The following MARCHF1 variants were observed in gnomAD, a reference collection of about 807,000 sequenced individuals.
The protein encoded by MARCHF1 is membrane associated ring-CH-type finger 1.
In MARCHF1, 40 loss-of-function variants were observed where a neutral mutation model predicts 54.2. The ratio of observed to expected loss-of-function variants is 0.74; its 90% CI spans 0.57 to 0.96. The LOEUF (loss-of-function observed/expected upper bound fraction) is 0.96, where lower values mean the gene tolerates loss of function less well. Ranked by LOEUF, MARCHF1 falls within the 40% of genes least tolerant of loss-of-function variation. MARCHF1 has a pLI of 0.00. For synonymous variants in MARCHF1, 236 were observed against 236.3 expected (o/e 1.00, Z 0.01); for missense variants, 586 against 656.5 (o/e 0.89, Z 1.17).
intron 1 of MARCHF1, among the ~76,000 whole-genome samples, chr4:164,114,745 A>T (rs1299914841): frequency 2.6e-5 from 4 of 151,678 alleles, no homozygotes; most frequent in Non-Finnish European, 5.9e-5. Context: ...AACTACACAC[A>T]CACAATACAA....
Position 164,293,359 on chromosome 4 carries a change from C to T in MARCHF1, c.-323+90511G>A, listed in dbSNP as rs531210342. Reference sequence around the variant, plus strand: ...GACCATCTCCGTATAAGGCAAATGCCTCACAAACCCATTCCCAAATAAGGC... The same window carrying T: ...GACCATCTCCGTATAAGGCAAATGCTTCACAAACCCATTCCCAAATAAGGC... On this transcript the variant is annotated intron_variant, in intron 1 of 9. Transcript: ENST00000514618. Among the ~76,000 whole-genome samples the T allele has an allele frequency of 5.9e-5, 9 of 152,172 alleles. 1 individual carries two copies. In the South Asian group the frequency reaches 1.4e-3, roughly 24 times the overall value.
chr4:163,975,873 C>A (rs1752639791), intron 3 of MARCHF1, among the ~76,000 whole-genome samples: 1 of 152,092 alleles, frequency 6.6e-6, no homozygotes, highest in African/African-American at 2.4e-5. Context: ...AGTTGATACA[C>A]AGGAAGCCCA....
chr4:164,108,759 A>G (rs1276918459), intron 2 of MARCHF1, among the ~76,000 whole-genome samples: 1 of 152,122 alleles, frequency 6.6e-6, no homozygotes, highest in Admixed American at 6.6e-5. Flanking sequence ...ATAACCAGAA[A>G]GTAGAGTTAT....
At chr4:164,265,929 A>C (rs1733599333) in intron 1 of MARCHF1, among the ~76,000 whole-genome samples, 1 of 152,204 alleles carries the variant, frequency 6.6e-6, no homozygotes. Flanking sequence ...ATAGTATCGA[A>C]TCAAATTTAT....
intron 7 of MARCHF1, among the ~76,000 whole-genome samples, chr4:163,598,722 T>C (rs991383219): frequency 2.6e-5 from 4 of 152,226 alleles, no homozygotes; most frequent in African/African-American, 9.6e-5. Flanking sequence ...CAGTGAGTGA[T>C]GGGTGAGTAA....
At chr4:163,895,693 C>A (rs1750790776) in intron 3 of MARCHF1, among the ~76,000 whole-genome samples, 1 of 152,158 alleles carries the variant, frequency 6.6e-6, no homozygotes, top group African/African-American at 2.4e-5. Context: ...CTGTTTTGAT[C>A]AGGTTTCACA....
At chr4:163,663,317 T>C (rs1743414971) in intron 5 of MARCHF1, among the ~76,000 whole-genome samples, 2 of 151,540 alleles carry the variant, frequency 1.3e-5, no homozygotes, top group Admixed American at 1.3e-4. Context: ...CTGACACCCT[T>C]GCCACTAGAT....
At chr4:163,681,679 T>C (rs978213542) in intron 5 of MARCHF1, among the ~76,000 whole-genome samples, 1 of 152,214 alleles carries the variant, frequency 6.6e-6, no homozygotes, top group African/African-American at 2.4e-5. Flanking sequence ...GTTTGCTGCT[T>C]CTTCCACCAT....
At chr4:163,645,337 G>T (rs549463509) in intron 5 of MARCHF1, among the ~76,000 whole-genome samples, 1 of 152,176 alleles carries the variant, frequency 6.6e-6, no homozygotes, top group South Asian at 2.1e-4. Flanking sequence ...AGTCCTAGAG[G>T]CAATCACATC....
chr4:163,970,003 G>A (rs1436223904), intron 3 of MARCHF1, among the ~76,000 whole-genome samples: 6 of 152,106 alleles, frequency 3.9e-5, no homozygotes, highest in African/African-American at 7.2e-5. Context: ...AAGGCAGGAG[G>A]ATGATAATTA....
At chr4:164,334,922 C>A (rs368198764) in intron 1 of MARCHF1, among the ~76,000 whole-genome samples, 1 of 152,092 alleles carries the variant, frequency 6.6e-6, no homozygotes, top group Admixed American at 6.5e-5. Context: ...CTCAGAGGAG[C>A]AAGTAACTGC....
At chr4:164,081,577 T>C (rs1755102119) in intron 2 of MARCHF1, among the ~76,000 whole-genome samples, 1 of 152,122 alleles carries the variant, frequency 6.6e-6, no homozygotes. Flanking sequence ...GTGCTCCTCT[T>C]CCTTCACCTA....
intron 4 of MARCHF1, among the ~76,000 whole-genome samples, chr4:163,717,451 A>C (rs1477855867): frequency 3.3e-5 from 5 of 152,074 alleles, no homozygotes; most frequent in South Asian, 2.1e-4. Context: ...CTGCTGCAAT[A>C]AACAGATGTG....
intron 3 of MARCHF1, among the ~76,000 whole-genome samples, chr4:163,915,876 T>C (rs1434834452): frequency 6.6e-6 from 1 of 152,178 alleles, no homozygotes; most frequent in African/African-American, 2.4e-5. Context: ...TCCTAGTATG[T>C]AAGAGCTTTC....
chr4:164,172,894 T>C (rs982039376), intron 1 of MARCHF1, among the ~76,000 whole-genome samples: 1 of 146,558 alleles, frequency 6.8e-6, no homozygotes, highest in Non-Finnish European at 1.5e-5. Flanking sequence ...GGCAGGAGAA[T>C]GGCGTGAACC....
At chr4:163,854,525 A>T (rs2111171489) in intron 3 of MARCHF1, among the ~76,000 whole-genome samples, 1 of 152,316 alleles carries the variant, frequency 6.6e-6, no homozygotes, top group East Asian at 1.9e-4. Context: ...CTGGTTCCTG[A>T]TAATATCTAC....
intron 3 of MARCHF1, among the ~76,000 whole-genome samples, chr4:163,895,506 G>A (rs1173282463): frequency 6.6e-6 from 1 of 152,178 alleles, no homozygotes; most frequent in East Asian, 1.9e-4. Flanking sequence ...AAGTAAGGCA[G>A]AGCATATTTC....
chr4:164,065,994 A>G (rs1205134948), intron 2 of MARCHF1, among the ~76,000 whole-genome samples: 1 of 152,200 alleles, frequency 6.6e-6, no homozygotes, highest in East Asian at 1.9e-4. Context: ...TTCCTCACCC[A>G]GTCCACTGAC....
At chr4:163,897,283 T>C (rs1750830743) in intron 3 of MARCHF1, among the ~76,000 whole-genome samples, 1 of 152,190 alleles carries the variant, frequency 6.6e-6, no homozygotes, top group East Asian at 1.9e-4. Flanking sequence ...TACAACTTAC[T>C]GAACCCATCA....
Sources: allele counts gnomAD v4.1 joint callset (sites outside exome capture counted in the v4.1 genomes callset), GRCh38; gene constraint gnomAD v4.1.1; transcripts MANE v1.5; gene names NCBI Gene and HGNC (gene_info 2026-07-23, HGNC 2026-07-21).